CSMD1: variants seen among roughly 807,000 people sequenced by gnomAD.
CSMD1 encodes CUB and Sushi multiple domains 1.
In CSMD1, 213 loss-of-function variants were observed where a neutral mutation model predicts 417.5. The ratio of observed to expected loss-of-function variants is 0.51; its 90% CI spans 0.46 to 0.57. CSMD1 has a LOEUF of 0.57. Ranked by LOEUF, CSMD1 falls within the 20% of genes least tolerant of loss-of-function variation. CSMD1 has a pLI of 0.00. For missense variants in CSMD1, 6,923 were observed against 4,529.7 expected (o/e 1.53, Z -15.17); for synonymous variants, 2,862 against 1,736.8 (o/e 1.65, Z -16.11).
chr8:4,383,912 A>G (rs1803270776), intron 3 of CSMD1, among the ~76,000 whole-genome samples: 1 of 152,244 alleles, frequency 6.6e-6, no homozygotes, highest in African/African-American at 2.4e-5. Context: ...ATAAATGTTT[A>G]TAAATATGAT....
At chr8:4,051,351 A>G (rs1563058156) in intron 3 of CSMD1, among the ~76,000 whole-genome samples, 1 of 151,776 alleles carries the variant, frequency 6.6e-6, no homozygotes, top group East Asian at 1.9e-4. Flanking sequence ...CAGACTCGGC[A>G]GCTTCTTTCA....
chr8:3,098,690 A>G (rs73657573), intron 46 of CSMD1, among the ~76,000 whole-genome samples: 3,849 of 152,266 alleles, frequency 0.025, 164 homozygotes, highest in African/African-American at 0.089. Flanking sequence ...AGTTAATGTG[A>G]TATTTTAAGA....
intron 5 of CSMD1, among the ~76,000 whole-genome samples, chr8:3,923,985 C>CTT (rs1809462711): frequency 1.3e-5 from 2 of 152,188 alleles, no homozygotes; most frequent in African/African-American, 2.4e-5. Flanking sequence ...ATACACTTAC[C>CTT]TTTACAGGTA....
intron 1 of CSMD1, among the ~76,000 whole-genome samples, chr8:4,938,105 A>G (rs1383539103): frequency 1.3e-5 from 2 of 152,178 alleles, no homozygotes; most frequent in Non-Finnish European, 2.9e-5. Context: ...GCAACAAAGA[A>G]TTTTAAGTTA....
At chr8:4,251,230 T>C (rs1434547764) in intron 3 of CSMD1, among the ~76,000 whole-genome samples, 2 of 152,132 alleles carry the variant, frequency 1.3e-5, no homozygotes, top group African/African-American at 2.4e-5. Flanking sequence ...CAGCTAACAA[T>C]ATATGTTTCC....
At chr8:4,865,806 AG>A in intron 1 of CSMD1, among the ~76,000 whole-genome samples, 1 of 152,036 alleles carries the variant, frequency 6.6e-6, no homozygotes, top group South Asian at 2.1e-4. Flanking sequence ...GTTTTTTAAA[AG>A]GTCCTCCTTT....
intron 3 of CSMD1, among the ~76,000 whole-genome samples, chr8:4,254,624 G>A (rs955749143): frequency 3.3e-5 from 5 of 152,104 alleles, no homozygotes; most frequent in Admixed American, 1.3e-4. Flanking sequence ...ACAACTTCCA[G>A]GCCTGCAAGA....
At chr8:3,900,828 G>C (rs562049651) in intron 5 of CSMD1, among the ~76,000 whole-genome samples, 3 of 152,344 alleles carry the variant, frequency 2.0e-5, no homozygotes, top group African/African-American at 7.2e-5. Context: ...CTGTTCCAGA[G>C]CTTGCTCTTC....
chr8:3,255,209 C>T (rs111516902), intron 26 of CSMD1, among the ~76,000 whole-genome samples: 417 of 152,160 alleles, frequency 2.7e-3, no homozygotes, highest in Non-Finnish European at 4.3e-3. Context: ...GCGAATGTTG[C>T]TGCCTGACCA....
Position 4,129,296 on chromosome 8 carries a change from T to C in CSMD1, c.416-97197A>G, listed in dbSNP as rs141757605. ...GCTGTCAACAAAACTAGCACAGTCATTATCTTCTCCCTCTTTTCATGTGGA... is the reference window on the plus strand; with the variant it reads ...GCTGTCAACAAAACTAGCACAGTCACTATCTTCTCCCTCTTTTCATGTGGA... On this transcript the variant is annotated intron_variant, in intron 3 of 69. Coordinates refer to ENST00000635120, the MANE Select transcript of CSMD1 (RefSeq NM_033225.6). Among the ~76,000 whole-genome samples, 1,149 of 152,156 alleles carry C rather than the reference T, an allele frequency of 7.6e-3. 6 individuals are homozygous for C. Among genetic ancestry groups the C allele is most frequent in the Non-Finnish European group, 0.012 (821 of 68,008 alleles).
intron 1 of CSMD1, among the ~76,000 whole-genome samples, chr8:4,950,410 T>A (rs1336069639): frequency 6.6e-6 from 1 of 152,170 alleles, no homozygotes; most frequent in Non-Finnish European, 1.5e-5. Context: ...AAACAAGCGT[T>A]TTTAGATTCT....
intron 3 of CSMD1, among the ~76,000 whole-genome samples, chr8:4,257,832 C>T (rs1003456597): frequency 7.2e-5 from 11 of 152,206 alleles, no homozygotes; most frequent in African/African-American, 2.4e-4. Flanking sequence ...ATAGGGAATA[C>T]AGAAAGTAAG....
chr8:4,584,479 G>C (rs1315274895), intron 2 of CSMD1, among the ~76,000 whole-genome samples: 2 of 151,980 alleles, frequency 1.3e-5, no homozygotes, highest in South Asian at 2.1e-4. Flanking sequence ...TAAAGAAACG[G>C]GTGTCAGGCT....
At chr8:3,052,437 T>G (rs768244362) in intron 50 of CSMD1, 25 bp downstream of exon 50, 37 of 1,542,854 alleles carry the variant, frequency 2.4e-5, no homozygotes, top group Non-Finnish European at 2.6e-6. Context: ...CCCACAAAGA[T>G]GGGCAGATGC....
intron 7 of CSMD1, among the ~76,000 whole-genome samples, chr8:3,667,796 A>G (rs546115770): frequency 5.9e-4 from 90 of 152,250 alleles, no homozygotes; most frequent in African/African-American, 2.1e-3. Context: ...AATCATGGAA[A>G]CAGAAGACCC....
intron 1 of CSMD1, among the ~76,000 whole-genome samples, chr8:4,951,012 G>C (rs536725464): frequency 5.9e-5 from 9 of 151,956 alleles, no homozygotes; most frequent in African/African-American, 1.2e-4. Flanking sequence ...AAAATTAATA[G>C]AGAAGGGACC....
intron 8 of CSMD1, among the ~76,000 whole-genome samples, chr8:3,588,047 T>A (rs753476223): frequency 6.6e-6 from 1 of 151,772 alleles, no homozygotes; most frequent in Non-Finnish European, 1.5e-5. Context: ...TTTTTGATCA[T>A]TGGTCTGTGT....
At chr8:3,402,888 T>G (rs1479371649) in intron 15 of CSMD1, among the ~76,000 whole-genome samples, 1 of 152,146 alleles carries the variant, frequency 6.6e-6, no homozygotes, top group Non-Finnish European at 1.5e-5. Context: ...ATCATTTTGT[T>G]CTACGTTAGA....
chr8:3,410,835 C>T (rs1419454385), intron 12 of CSMD1, among the ~76,000 whole-genome samples: 1 of 152,002 alleles, frequency 6.6e-6, no homozygotes, highest in African/African-American at 2.4e-5. Flanking sequence ...AACTCTGGGG[C>T]TCGAGTGATC....
Sources: gnomAD v4.1 joint callset for allele counts (sites outside exome capture counted in the v4.1 genomes callset) on GRCh38, gnomAD v4.1.1 for gene constraint, MANE v1.5 for transcripts, NCBI Gene and HGNC (gene_info 2026-07-23, HGNC 2026-07-21) for gene names.